KLHL15: variants seen among roughly 807,000 people sequenced by gnomAD.
The protein encoded by KLHL15 is kelch like family member 15.
In KLHL15, 1 loss-of-function variant was observed where a neutral mutation model predicts 29.3. That is an observed-to-expected ratio of 0.03 (90% CI 0.01 to 0.16). KLHL15 has a LOEUF of 0.16. Among genes scored for constraint, KLHL15 ranks in the 10% least tolerant of loss-of-function variants. KLHL15 has a pLI of 1.00. For synonymous variants in KLHL15, 212 were observed against 184.5 expected (o/e 1.15, Z -1.21); for missense variants, 215 against 478.5 (o/e 0.45, Z 5.14).
At chrX:24,011,923 G>A (rs1446828642) in intron 2 of KLHL15, among the ~76,000 whole-genome samples, 1 of 113,013 alleles carries the variant, frequency 8.8e-6, no homozygotes, top group Non-Finnish European at 1.9e-5. Flanking sequence ...ACCAAGGTAG[G>A]CGGATTGCTT....
rs922134480 is a variant in KLHL15 at position 23,985,771 on chromosome X, C to G, written c.*2150G>C. ...AAAGGCTTTGATGTGGATACCTGGC[C>G]TGATGGCTCTTTCTTGGTCTTTTCT... On this transcript the variant is annotated 3_prime_UTR_variant, in exon 4 of 4. Coordinates refer to ENST00000328046, the MANE Select transcript of KLHL15 (RefSeq NM_030624.3). The G allele has an allele frequency of 8.9e-6, 1 of 112,111 alleles. No individual in the cohort carries two copies. Among genetic ancestry groups the G allele is most frequent in the Non-Finnish European group, 1.9e-5 (1 of 53,179 alleles). The allele number at this position is 112,111 out of a possible 1,213,427, so 9.2% of individuals were successfully genotyped here.
intron 2 of KLHL15, among the ~76,000 whole-genome samples, chrX:24,016,460 T>G (rs1929688158): frequency 9.6e-6 from 1 of 103,929 alleles, no homozygotes; most frequent in Admixed American, 1.1e-4. Flanking sequence ...AGGTCAGGAG[T>G]TCGAGACCAG....
chrX:24,002,143 G>GAATA (rs200125047), intron 3 of KLHL15, among the ~76,000 whole-genome samples: 21,231 of 107,494 alleles, frequency 0.2, 2,751 homozygotes, highest in African/African-American at 0.45. Context: ...AAAAGAAAAT[G>GAATA]AATAAATAAA....
chrX:23,994,389 G>C (rs1201602289), intron 3 of KLHL15, among the ~76,000 whole-genome samples: 1 of 112,193 alleles, frequency 8.9e-6, no homozygotes, highest in Non-Finnish European at 1.9e-5. Context: ...ACAAAACCTG[G>C]GATAACTCCA....
At chrX:24,003,094 T>A (rs1929363708) in intron 3 of KLHL15, among the ~76,000 whole-genome samples, 1 of 112,544 alleles carries the variant, frequency 8.9e-6, no homozygotes, top group African/African-American at 3.2e-5. Context: ...GCATGCTTCC[T>A]GCACTTTAGG....
At chrX:23,990,451 A>G (rs1319120191) in intron 3 of KLHL15, among the ~76,000 whole-genome samples, 4 of 111,788 alleles carry the variant, frequency 3.6e-5, no homozygotes, top group African/African-American at 6.5e-5. Context: ...CTTTGTCATA[A>G]TAAGACAAGG....
At chrX:24,001,802 C>CAAAAAAAAAAAAAAAAAAA (rs766669649) in intron 3 of KLHL15, among the ~76,000 whole-genome samples, 1 of 22,670 alleles carries the variant, frequency 4.4e-5, no homozygotes, top group Non-Finnish European at 7.6e-5. Context: ...AGACTTGACT[C>CAAAAAAAAAAAAAAAAAAA]AAAAAAAAAA....
Position 24,016,570 on chromosome X carries a change from G to A in KLHL15, c.-8+8287C>T, listed in dbSNP as rs200150440. Among the ~76,000 whole-genome samples the A allele has an allele frequency of 3.0e-4, 33 of 108,974 alleles. No homozygotes were observed. In the East Asian group the frequency reaches 7.0e-3, roughly 23 times the overall value. The allele number at this position is 108,974 out of a possible 115,157, so 94.6% of individuals were successfully genotyped here. ...TAATCCCAGCTAGTCGGGAGGTTGAGGTGGGAGAATCGCTTGAACCCAGGA... is the reference window on the plus strand; with the variant it reads ...TAATCCCAGCTAGTCGGGAGGTTGAAGTGGGAGAATCGCTTGAACCCAGGA... On this transcript the variant is annotated intron_variant, in intron 2 of 3. Transcript: ENST00000328046.
intron 3 of KLHL15, among the ~76,000 whole-genome samples, chrX:23,996,705 T>C (rs1929197717): frequency 8.9e-6 from 1 of 111,842 alleles, no homozygotes. Flanking sequence ...CAGCTACATT[T>C]GATATAATTT....
chrX:23,998,345 C>A (rs901714751), intron 3 of KLHL15, among the ~76,000 whole-genome samples: 1 of 110,666 alleles, frequency 9.0e-6, no homozygotes, highest in African/African-American at 3.3e-5. Context: ...CATGCTCCAC[C>A]TCCTGGGTTC....
intron 2 of KLHL15, among the ~76,000 whole-genome samples, chrX:24,016,071 A>G (rs1602015285): frequency 1.8e-5 from 2 of 108,561 alleles, no homozygotes; most frequent in East Asian, 5.8e-4. Context: ...ACTTCAGGCC[A>G]GGCACGGTGA....
At chrX:24,014,632 T>C (rs1057305006) in intron 2 of KLHL15, among the ~76,000 whole-genome samples, 16 of 109,585 alleles carry the variant, frequency 1.5e-4, no homozygotes, top group Non-Finnish European at 2.9e-4. Flanking sequence ...AGGAGGAGAA[T>C]TGGTAAACTG....
At chrX:24,017,211 CAA>C (rs781366129) in intron 2 of KLHL15, among the ~76,000 whole-genome samples, 13 of 43,042 alleles carry the variant, frequency 3.0e-4, no homozygotes, top group Admixed American at 5.8e-4. Context: ...GAGCCTGTCT[CAA>C]AAAAAAAAAA....
rs34810589 is a variant in KLHL15, at chrX:24,022,639, T to TAAA, written c.-8+2215_-8+2217dup. Among the ~76,000 whole-genome samples, 4 of 90,704 alleles carry TAAA rather than the reference T, an allele frequency of 4.4e-5. No homozygotes were observed. The South Asian group carries it at 1.7e-3, about 38-fold the overall frequency. 78.8% of individuals were successfully genotyped at this position (90,704 alleles called of 115,157 possible). On this transcript the variant is annotated intron_variant, in intron 2 of 3. Transcript: ENST00000328046. ...GGGCGACAGAACAAGACTCTTGTCT[T>TAAA]AAAAAAAAAAAAAAAGTCGTTAAAG...
intron 2 of KLHL15, among the ~76,000 whole-genome samples, chrX:24,020,765 T>C (rs765189912): frequency 8.9e-6 from 1 of 112,084 alleles, no homozygotes; most frequent in Admixed American, 9.5e-5. Context: ...AAAGCCTCTA[T>C]TGGGGAATAA....
At chrX:23,992,000 C>T (rs1195555934) in intron 3 of KLHL15, among the ~76,000 whole-genome samples, 1 of 112,073 alleles carries the variant, frequency 8.9e-6, no homozygotes, top group African/African-American at 3.2e-5. Flanking sequence ...TGAAAATCAG[C>T]AAGAATCATA....
chrX:23,994,863 G>A (rs1300803387), intron 3 of KLHL15, among the ~76,000 whole-genome samples: 2 of 111,248 alleles, frequency 1.8e-5, no homozygotes, highest in African/African-American at 6.5e-5. Flanking sequence ...ATAAAATAGA[G>A]ATTGGGTCTC....
At chrX:24,005,355 T>C (rs763737270) in intron 3 of KLHL15, among the ~76,000 whole-genome samples, 3 of 112,427 alleles carry the variant, frequency 2.7e-5, no homozygotes, top group Non-Finnish European at 3.7e-5. Context: ...AGAAGAGTTA[T>C]AGTCTACTTG....
At chrX:24,007,506 AAAATATAT>A (rs1424640142) in intron 2 of KLHL15, among the ~76,000 whole-genome samples, 3,342 of 57,940 alleles carry the variant, frequency 0.058, 91 homozygotes, top group South Asian at 0.15. Context: ...AAAAAAAAAA[AAAATATAT>A]ATATATATAT....
Sources: allele counts gnomAD v4.1 joint callset (sites outside exome capture counted in the v4.1 genomes callset), GRCh38; gene constraint gnomAD v4.1.1; transcripts MANE v1.5; gene names NCBI Gene and HGNC (gene_info 2026-07-23, HGNC 2026-07-21).